The following DNMT3B variants were observed in gnomAD, a reference collection of about 807,000 sequenced individuals.
The protein encoded by DNMT3B is DNA (cytosine-5)-methyltransferase 3B.
Under a neutral mutation model 120.2 loss-of-function variants are expected in DNMT3B, and 37 were observed. The observed-to-expected ratio is 0.31, with a 90% CI of 0.24 to 0.40. The LOEUF is 0.40. DNMT3B is among the 10% of genes least tolerant of loss of function. The pLI is 1.00. For synonymous variants in DNMT3B, 412 were observed against 442.8 expected (o/e 0.93, Z 0.87); for missense variants, 878 against 1,137.3 (o/e 0.77, Z 3.28).
Position 32,779,645 on chromosome 20 carries a change from T to C in DNMT3B, c.-6-673T>C, listed in dbSNP as rs192998038. On this transcript the variant is annotated intron_variant, in intron 1 of 22. Coordinates refer to ENST00000328111, the MANE Select transcript of DNMT3B (RefSeq NM_006892.4). ...CCCTCCTGGTAACTGCCCCCAGGCTTTCTGCCTGTGCCTCCATCCTTCCCT... is the reference window on the plus strand; with the variant it reads ...CCCTCCTGGTAACTGCCCCCAGGCTCTCTGCCTGTGCCTCCATCCTTCCCT... Among the ~76,000 whole-genome samples the C allele has an allele frequency of 3.8e-3, 576 of 152,352 alleles. 1 individual carries two copies. The highest frequency in any genetic ancestry group is 5.5e-3 in the Non-Finnish European group (372 of 68,030).
intron 17 of DNMT3B, 129 bp from the exon 18 acceptor site, chr20:32,800,706 C>T: frequency 9.7e-7 from 1 of 1,035,512 alleles, no homozygotes. Context: ...TAATCCACCC[C>T]CGCCGTCAGC....
chr20:32,798,371 G>A, intron 14 of DNMT3B, 89 bp from the exon 15 acceptor site: 2 of 1,539,496 alleles, frequency 1.3e-6, no homozygotes, highest in Non-Finnish European at 1.8e-6. Flanking sequence ...TTCAGGAGGG[G>A]GTTGGCATTT....
intron 1 of DNMT3B, among the ~76,000 whole-genome samples, chr20:32,773,502 A>G (rs1411645928): frequency 6.6e-6 from 1 of 152,142 alleles, no homozygotes; most frequent in Admixed American, 6.5e-5. Context: ...GACTTCAGGT[A>G]TCATGACTGT....
chr20:32,784,935 G>GCA, intron 4 of DNMT3B, 76 bp downstream of exon 4: 1 of 1,412,350 alleles, frequency 7.1e-7, no homozygotes, highest in Non-Finnish European at 1.0e-6. Flanking sequence ...TACATACATA[G>GCA]CATAGCTCCT....
In DNMT3B at chr20:32,797,435, A is replaced by G; in HGVS notation, c.1490+136A>G. ...AGCTAATTTGCCCTGGAAGCAGCAC[A>G]CAGGGTTTATATTTTGTGGTGGCTG... On this transcript the variant is annotated intron_variant, in intron 14 of 22. Transcript: ENST00000328111. 3 of 791,790 alleles carry G rather than the reference A, an allele frequency of 3.8e-6. No individual in the cohort carries two copies. In the East Asian group the frequency reaches 7.9e-5, roughly 21 times the overall value. The allele number at this position is 791,790 out of a possible 1,614,324, so 49.0% of individuals were successfully genotyped here.
At position 32,800,852 on chromosome 20, in the gene DNMT3B, A is replaced by G. The variant is rs555058105; in HGVS notation, c.1923A>G (p.Pro641=). 9.9e-5 allele frequency: 160 copies of G among 1,614,166 alleles called. No individual in the cohort carries two copies. The South Asian group carries it at 1.6e-3, about 16-fold the overall frequency. ...TCTTTCAGATTGAAGAATGGGGCCCATTTGACTTGGTGATTGGCGGAAGCC... is the reference window on the plus strand; with the variant it reads ...TCTTTCAGATTGAAGAATGGGGCCCGTTTGACTTGGTGATTGGCGGAAGCC... ...ITKKNIEEWG[P]FDLVIGGSPC... is the part of the protein sequence containing the mutation. The change falls in exon 18 of 23, where the codon CCA becomes CCG. Residue 641 remains proline, a synonymous_variant. Transcript: ENST00000328111.
At chr20:32,793,427 C>A in intron 9 of DNMT3B, 109 bp from the exon 10 acceptor site, 1 of 1,246,928 alleles carries the variant, frequency 8.0e-7, no homozygotes, top group Non-Finnish European at 1.1e-6. Flanking sequence ...GAGATCGCAC[C>A]ACTGCATTCA....
intron 19 of DNMT3B, among the ~76,000 whole-genome samples, 170 bp from the exon 20 acceptor site, chr20:32,802,215 G>T (rs1981427224): frequency 6.6e-6 from 1 of 152,134 alleles, no homozygotes; most frequent in African/African-American, 2.4e-5. Flanking sequence ...ATAGTATGAG[G>T]GCATTTACCA....
Position 32,809,278 on chromosome 20 carries a change from G to GT in DNMT3B, c.*1380dup, listed in dbSNP as rs374112122. ...GAAAAAACTGTGCCTTGTTTCAACA[G>GT]TTTTTGCTAATTTTTAGGCTGAAAG... On this transcript the variant is annotated 3_prime_UTR_variant, in exon 23 of 23. Coordinates refer to ENST00000328111, the MANE Select transcript of DNMT3B (RefSeq NM_006892.4). The GT allele has an allele frequency of 7.3e-5, 16 of 217,938 alleles. No homozygotes were observed. The highest frequency in any genetic ancestry group is 3.6e-4 in the African/African-American group (16 of 44,558). 13.5% of individuals were successfully genotyped at this position (217,938 alleles called of 1,614,324 possible).
At chr20:32,765,606 A>C (rs1987288283) in intron 1 of DNMT3B, among the ~76,000 whole-genome samples, 1 of 148,828 alleles carries the variant, frequency 6.7e-6, no homozygotes, top group Admixed American at 6.7e-5. Flanking sequence ...TTTTTAATTG[A>C]GACGGGGTTT....
chr20:32,784,166 G>T (rs1036095969), intron 3 of DNMT3B, among the ~76,000 whole-genome samples: 1 of 152,062 alleles, frequency 6.6e-6, no homozygotes, highest in African/African-American at 2.4e-5. Flanking sequence ...ATCCACCCGC[G>T]TCGGCCTCCC....
chr20:32,777,295 T>C (rs1988114621), intron 1 of DNMT3B, among the ~76,000 whole-genome samples: 1 of 151,944 alleles, frequency 6.6e-6, no homozygotes, highest in Non-Finnish European at 1.5e-5. Context: ...TGCCCACACG[T>C]TGGGTAGGCT....
chr20:32,770,662 G>C (rs886859891), intron 1 of DNMT3B, among the ~76,000 whole-genome samples: 4 of 150,036 alleles, frequency 2.7e-5, no homozygotes, highest in Admixed American at 2.0e-4. Context: ...GCCCAGGCTG[G>C]AGTGCAATGG....
chr20:32,765,059 A>G (rs1458500767), intron 1 of DNMT3B, among the ~76,000 whole-genome samples: 5 of 152,082 alleles, frequency 3.3e-5, no homozygotes, highest in Non-Finnish European at 5.9e-5. Context: ...CCTCACCTCC[A>G]GGCTCAGACG....
intron 14 of DNMT3B, 67 bp from the exon 15 acceptor site, chr20:32,798,393 T>C: frequency 1.9e-6 from 3 of 1,597,320 alleles, no homozygotes; most frequent in Non-Finnish European, 2.6e-6. Flanking sequence ...CCTGTGGAAG[T>C]GGTAAGGGGG....
Position 32,806,284 on chromosome 20 carries a change from A to G in DNMT3B, c.2377A>G (p.Met793Val). 1 of 1,614,226 alleles carries G rather than the reference A, an allele frequency of 6.2e-7. No individual in the cohort carries two copies. ...QGKNQLFPVV[M>V]NGKEDVLWCT... is the part of the protein sequence containing the mutation. Reference sequence around the variant, plus strand: ...GAAAAACCAACTTTTCCCTGTTGTCATGAATGGCAAAGAAGATGTTTTGTG... The same window carrying G: ...GAAAAACCAACTTTTCCCTGTTGTCGTGAATGGCAAAGAAGATGTTTTGTG... Residue 793 changes from methionine (M) to valine (V), a missense_variant, in exon 22 of 23, where the codon ATG becomes GTG. This residue lies in a region of DNMT3B where 334 missense variants were observed against 518.8 expected (regional missense o/e 0.64). Coordinates refer to ENST00000328111, the MANE Select transcript of DNMT3B (RefSeq NM_006892.4).
In DNMT3B at chr20:32,798,682, AG is replaced by A. The variant is rs769500361; in HGVS notation, c.1674+43del. 1.8e-5 allele frequency: 29 copies of A among 1,612,876 alleles called. No homozygotes were observed. The South Asian group carries it at 3.0e-4, about 17-fold the overall frequency. ...TCCCGCCTCTACCACCACAGATCCC[AG>A]GGGCACAGGGTGTTGGAAAGCTCTG... On this transcript the variant is annotated intron_variant, in intron 15 of 22. Coordinates refer to ENST00000328111, the MANE Select transcript of DNMT3B (RefSeq NM_006892.4).
intron 3 of DNMT3B, 138 bp from the exon 4 acceptor site, chr20:32,784,620 T>G: frequency 2.3e-6 from 2 of 877,678 alleles, no homozygotes; most frequent in Non-Finnish European, 3.7e-6. Flanking sequence ...TCTGCACCCA[T>G]ATGCAGTGTG....
At chr20:32,791,927 T>A (rs1007171329) in intron 8 of DNMT3B, among the ~76,000 whole-genome samples, 1 of 152,152 alleles carries the variant, frequency 6.6e-6, no homozygotes, top group Non-Finnish European at 1.5e-5. Flanking sequence ...ACTAACTGAA[T>A]CAGAAGGAAA....
Sources: gnomAD v4.1 joint callset for allele counts (sites outside exome capture counted in the v4.1 genomes callset) on GRCh38, gnomAD v4.1.1 for gene constraint, gnomAD v4.1.1 regional missense constraint, MANE v1.5 for transcripts, NCBI Gene and HGNC (gene_info 2026-07-23, HGNC 2026-07-21) for gene names.